Variants in SUGCT observed in about 807,000 individuals in gnomAD.
SUGCT encodes the protein succinyl-CoA:glutarate-CoA transferase.
A neutral mutation model predicts 55.0 loss-of-function variants in SUGCT; 41 were observed. That is an observed-to-expected ratio of 0.74 (90% CI 0.58 to 0.97). The LOEUF is 0.97. Ranked by LOEUF, SUGCT falls within the 50% of genes least tolerant of loss-of-function variation. SUGCT has a pLI of 0.00. For synonymous variants in SUGCT, 187 were observed against 200.4 expected, an observed-to-expected ratio of 0.93 and a Z score of 0.56; for missense variants, 568 against 547.8, an observed-to-expected ratio of 1.04 and a Z score of -0.37.
At chr7:40,367,547 T>A (rs1043396542) in intron 9 of SUGCT, among the ~76,000 whole-genome samples, 1 of 151,916 alleles carries the variant, frequency 6.6e-6, no homozygotes, top group Non-Finnish European at 1.5e-5. Flanking sequence ...AACACTTAAT[T>A]TTTTTTTCTG....
chr7:40,391,836 T>G (rs1226666227), intron 9 of SUGCT, among the ~76,000 whole-genome samples: 1 of 152,182 alleles, frequency 6.6e-6, no homozygotes, highest in Non-Finnish European at 1.5e-5. Context: ...CATGCACACG[T>G]GTGTTTGTTG....
At chr7:40,554,437 A>G (rs1299538271) in intron 12 of SUGCT, among the ~76,000 whole-genome samples, 3 of 152,250 alleles carry the variant, frequency 2.0e-5, no homozygotes, top group Admixed American at 6.5e-5. Context: ...CTTAAAGACA[A>G]CTGGAATCAT....
At chr7:40,334,972 G>A (rs1376937007) in intron 9 of SUGCT, among the ~76,000 whole-genome samples, 2 of 152,096 alleles carry the variant, frequency 1.3e-5, no homozygotes, top group African/African-American at 2.4e-5. Flanking sequence ...TCTGCATATG[G>A]CTAGCCGGTT....
At chr7:40,338,653 T>A (rs1256943963) in intron 9 of SUGCT, among the ~76,000 whole-genome samples, 1 of 152,204 alleles carries the variant, frequency 6.6e-6, no homozygotes, top group Non-Finnish European at 1.5e-5. Flanking sequence ...ATTCGTCTTA[T>A]CTTTTTTCAA....
chr7:40,974,994 T>A, the SUGCT span, among the ~76,000 whole-genome samples: 1 of 152,164 alleles, frequency 6.6e-6, no homozygotes, highest in Non-Finnish European at 1.5e-5. Flanking sequence ...ACCAGAATAT[T>A]CATGCACCTG....
chr7:40,971,718 G>T, the SUGCT span, among the ~76,000 whole-genome samples: 1 of 152,174 alleles, frequency 6.6e-6, no homozygotes, highest in East Asian at 1.9e-4. Flanking sequence ...GTCTAAGATG[G>T]GTATTTCCAT....
intron 12 of SUGCT, among the ~76,000 whole-genome samples, chr7:40,513,798 T>A (rs937287915): frequency 6.8e-6 from 1 of 147,480 alleles, no homozygotes; most frequent in Admixed American, 6.7e-5. Context: ...TTTTTTTTTT[T>A]TTTTTTTTGG....
intron 13 of SUGCT, among the ~76,000 whole-genome samples, chr7:40,811,660 G>A (rs1328144721): frequency 6.6e-6 from 1 of 152,086 alleles, no homozygotes; most frequent in African/African-American, 2.4e-5. Context: ...AGTTTCAGGA[G>A]CCTGTGATGG....
At chr7:40,718,272 C>T (rs1158192879) in intron 12 of SUGCT, among the ~76,000 whole-genome samples, 1 of 152,106 alleles carries the variant, frequency 6.6e-6, no homozygotes, top group Admixed American at 6.5e-5. Context: ...CCAACAAAAT[C>T]TTGTGAAAAA....
chr7:40,419,051 T>A (rs895428211), intron 9 of SUGCT, among the ~76,000 whole-genome samples: 1 of 152,178 alleles, frequency 6.6e-6, no homozygotes, highest in Non-Finnish European at 1.5e-5. Flanking sequence ...AAAGAAGAAA[T>A]TCGCTATAAA....
At chr7:40,135,189 G>C in intron 1 of SUGCT, 69 bp downstream of exon 1, 3 of 1,481,634 alleles carry the variant, frequency 2.0e-6, no homozygotes, top group East Asian at 2.6e-5. Flanking sequence ...CGGGCGCCCT[G>C]AGGAGAGCAA....
chr7:40,399,474 G>T (rs1412206003), intron 9 of SUGCT, among the ~76,000 whole-genome samples: 1 of 152,130 alleles, frequency 6.6e-6, no homozygotes, highest in Non-Finnish European at 1.5e-5. Context: ...CTTGATTCAT[G>T]GTTCAATGTC....
At chr7:40,546,663 A>C (rs939368423) in intron 12 of SUGCT, 7 of 152,210 alleles carry the variant, frequency 4.6e-5, no homozygotes, top group Non-Finnish European at 1.0e-4. Context: ...GATCTATCAA[A>C]TTCACATTAT....
At chr7:40,278,543 G>C (rs564466541) in intron 8 of SUGCT, among the ~76,000 whole-genome samples, 1 of 152,268 alleles carries the variant, frequency 6.6e-6, no homozygotes, top group African/African-American at 2.4e-5. Context: ...GAAGTGCAAG[G>C]CAATGCCTGG....
At chr7:40,772,108 C>T (rs912842887) in intron 13 of SUGCT, among the ~76,000 whole-genome samples, 2 of 152,144 alleles carry the variant, frequency 1.3e-5, no homozygotes, top group African/African-American at 4.8e-5. Flanking sequence ...CAGCTTGCAG[C>T]CTGCTCCTCC....
chr7:40,267,436 C>T (rs1367794080), intron 7 of SUGCT, among the ~76,000 whole-genome samples: 7 of 151,808 alleles, frequency 4.6e-5, no homozygotes, highest in African/African-American at 1.7e-4. Flanking sequence ...AGTTTAAGTC[C>T]ACTTCTAATA....
At chr7:40,225,132 T>C (rs909451187) in intron 6 of SUGCT, among the ~76,000 whole-genome samples, 1 of 152,164 alleles carries the variant, frequency 6.6e-6, no homozygotes, top group Non-Finnish European at 1.5e-5. Flanking sequence ...CGTTCCCAAG[T>C]TGGATATAGT....
At chr7:40,329,295 G>A (rs1018581231) in intron 9 of SUGCT, among the ~76,000 whole-genome samples, 1 of 152,140 alleles carries the variant, frequency 6.6e-6, no homozygotes, top group Admixed American at 6.5e-5. Context: ...AAGTGAATCT[G>A]TACTGGAGAC....
At chr7:40,568,444 A>G (rs1298671660) in intron 12 of SUGCT, among the ~76,000 whole-genome samples, 2 of 152,200 alleles carry the variant, frequency 1.3e-5, no homozygotes, top group African/African-American at 2.4e-5. Context: ...ATCTTTCTCA[A>G]ACAAAACTTA....
Sources: allele counts gnomAD v4.1 joint callset (sites outside exome capture counted in the v4.1 genomes callset), GRCh38; gene constraint gnomAD v4.1.1; transcripts MANE v1.5; gene names NCBI Gene and HGNC (gene_info 2026-07-23, HGNC 2026-07-21).